Variants in LIMCH1 observed in about 807,000 individuals in gnomAD.
LIMCH1 encodes the protein LIM and calponin homology domains 1, also known as LIM and calponin homology domains-containing protein 1.
A neutral mutation model predicts 176.5 loss-of-function variants in LIMCH1; 113 were observed. The observed-to-expected ratio is 0.64, with a 90% CI of 0.55 to 0.75. The LOEUF is 0.75. Among genes scored for constraint, LIMCH1 ranks in the 30% least tolerant of loss-of-function variants. The pLI, the probability that LIMCH1 is intolerant of heterozygous loss-of-function variation, is 0.00. For synonymous variants in LIMCH1, 619 were observed against 645.9 expected (o/e 0.96, Z 0.63); for missense variants, 1,674 against 1,814.9 (o/e 0.92, Z 1.41).
chr4:41,463,627 G>A (rs1023262838), intron 1 of LIMCH1, among the ~76,000 whole-genome samples: 2 of 149,482 alleles, frequency 1.3e-5, no homozygotes, highest in African/African-American at 4.9e-5. Context: ...CCAGGCTGTT[G>A]TGCAGAGTCA....
intron 2 of LIMCH1, among the ~76,000 whole-genome samples, chr4:41,495,698 A>G (rs181868221): frequency 1.3e-5 from 2 of 152,322 alleles, no homozygotes; most frequent in East Asian, 1.9e-4. Context: ...TAAAAAATGT[A>G]TAACTCTATT....
intron 1 of LIMCH1, among the ~76,000 whole-genome samples, chr4:41,418,180 A>G (rs188490678): frequency 2.3e-3 from 354 of 152,340 alleles, no homozygotes; most frequent in Non-Finnish European, 2.3e-3. Flanking sequence ...GTCATGTAGT[A>G]TTAAATCTCA....
At chr4:41,525,247 C>T (rs540837926) in intron 3 of LIMCH1, among the ~76,000 whole-genome samples, 264 of 152,256 alleles carry the variant, frequency 1.7e-3, no homozygotes, top group African/African-American at 2.3e-3. Context: ...CACACGCGCG[C>T]GCACACACAC....
intron 1 of LIMCH1, among the ~76,000 whole-genome samples, chr4:41,371,588 A>T (rs1353297260): frequency 6.6e-6 from 1 of 152,194 alleles, no homozygotes; most frequent in Non-Finnish European, 1.5e-5. Context: ...AGGCACCGTT[A>T]GTTCTTTGCG....
At chr4:41,496,864 C>T (rs2072244176) in intron 2 of LIMCH1, among the ~76,000 whole-genome samples, 1 of 152,152 alleles carries the variant, frequency 6.6e-6, no homozygotes, top group Non-Finnish European at 1.5e-5. Context: ...TGTCAAACAC[C>T]TGTCTTTGGA....
chr4:41,621,659 G>A (rs187650876), intron 7 of LIMCH1, among the ~76,000 whole-genome samples: 14 of 152,102 alleles, frequency 9.2e-5, no homozygotes, highest in South Asian at 2.1e-4. Flanking sequence ...GTACCACCAC[G>A]CCTGGCTAAT....
At chr4:41,455,059 C>A (rs1314483734) in intron 1 of LIMCH1, among the ~76,000 whole-genome samples, 1 of 151,468 alleles carries the variant, frequency 6.6e-6, no homozygotes, top group East Asian at 1.9e-4. Context: ...TAGATACAGT[C>A]ATAAAATGTA....
At chr4:41,664,313 A>G (rs938033003) in intron 20 of LIMCH1, among the ~76,000 whole-genome samples, 12 of 152,158 alleles carry the variant, frequency 7.9e-5, no homozygotes, top group South Asian at 6.2e-4. Flanking sequence ...TGCACCTACT[A>G]TGTCATGCCT....
At chr4:41,462,963 A>G (rs374078862) in intron 1 of LIMCH1, among the ~76,000 whole-genome samples, 1 of 151,848 alleles carries the variant, frequency 6.6e-6, no homozygotes, top group Non-Finnish European at 1.5e-5. Flanking sequence ...TTGGTCTCTC[A>G]TGTGTAGTTT....
At chr4:41,529,702 T>C (rs553967086) in intron 3 of LIMCH1, among the ~76,000 whole-genome samples, 1 of 152,164 alleles carries the variant, frequency 6.6e-6, no homozygotes, top group South Asian at 2.1e-4. Flanking sequence ...ACATTTTATT[T>C]TACCTTTTTT....
intron 1 of LIMCH1, among the ~76,000 whole-genome samples, chr4:41,454,300 C>T (rs1021388667): frequency 2.0e-5 from 3 of 152,164 alleles, no homozygotes; most frequent in Non-Finnish European, 2.9e-5. Flanking sequence ...TCTCTTTGAT[C>T]ACTGTTTTAT....
intron 2 of LIMCH1, among the ~76,000 whole-genome samples, chr4:41,500,394 C>A (rs1177833407): frequency 6.6e-6 from 1 of 152,162 alleles, no homozygotes; most frequent in African/African-American, 2.4e-5. Context: ...TTTTGAGTAT[C>A]ACCAATCCAT....
chr4:41,439,349 G>A (rs2062450516), intron 1 of LIMCH1, among the ~76,000 whole-genome samples: 1 of 152,178 alleles, frequency 6.6e-6, no homozygotes, highest in East Asian at 1.9e-4. Flanking sequence ...ACTTTGGAAG[G>A]CCAAGGTGCA....
intron 5 of LIMCH1, among the ~76,000 whole-genome samples, chr4:41,615,792 CT>C (rs1473950183): frequency 6.6e-6 from 1 of 152,164 alleles, no homozygotes; most frequent in Non-Finnish European, 1.5e-5. Context: ...TGGGGAATAT[CT>C]TACCATGAAA....
intron 2 of LIMCH1, among the ~76,000 whole-genome samples, chr4:41,516,808 A>G (rs2152385410): frequency 6.6e-6 from 1 of 152,328 alleles, no homozygotes; most frequent in Non-Finnish European, 1.5e-5. Flanking sequence ...TGTTTACAGT[A>G]TCCCAAATGT....
intron 2 of LIMCH1, among the ~76,000 whole-genome samples, chr4:41,600,694 A>C (rs1158855954): frequency 6.6e-6 from 1 of 152,148 alleles, no homozygotes; most frequent in Admixed American, 6.6e-5. Context: ...AGCAGGCCCC[A>C]TGTATTCATC....
intron 13 of LIMCH1, among the ~76,000 whole-genome samples, chr4:41,637,478 C>T: frequency 6.6e-6 from 1 of 152,216 alleles, no homozygotes; most frequent in East Asian, 1.9e-4. Context: ...GCATGAGCCA[C>T]CACGCCCAGC....
chr4:41,657,476 A>G (rs2094495860), intron 18 of LIMCH1, among the ~76,000 whole-genome samples: 1 of 152,236 alleles, frequency 6.6e-6, no homozygotes, highest in Admixed American at 6.5e-5. Context: ...CAGATAGCCT[A>G]TATACATTGC....
chr4:41,602,024 G>A (rs1304895795), intron 2 of LIMCH1, among the ~76,000 whole-genome samples: 2 of 146,528 alleles, frequency 1.4e-5, no homozygotes, highest in Middle Eastern at 3.8e-3. Context: ...TTTTGTTTCA[G>A]AAAATACTCT....
Sources: gnomAD v4.1 joint callset for allele counts (sites outside exome capture counted in the v4.1 genomes callset) on GRCh38, gnomAD v4.1.1 for gene constraint, MANE v1.5 for transcripts, NCBI Gene and HGNC (gene_info 2026-07-23, HGNC 2026-07-21) for gene names.